FAM53B: variants seen among roughly 807,000 people sequenced by gnomAD.
FAM53B encodes the protein family with sequence similarity 53 member B.
In FAM53B, 12 loss-of-function variants were observed where a neutral mutation model predicts 32.7. That is an observed-to-expected ratio of 0.37 (90% CI 0.24 to 0.59). FAM53B has a LOEUF of 0.59. FAM53B is among the 20% of genes least tolerant of loss of function. The probability of loss-of-function intolerance (pLI) is 0.72; values close to 1 mark genes in which losing one functional copy is unlikely to be tolerated. For synonymous variants in FAM53B, 234 were observed against 228.7 expected (o/e 1.02, Z -0.21); for missense variants, 477 against 577.7 (o/e 0.83, Z 1.79).
At chr10:124,709,030 C>T (rs931903783) in intron 1 of FAM53B, among the ~76,000 whole-genome samples, 3 of 152,256 alleles carry the variant, frequency 2.0e-5, no homozygotes, top group Non-Finnish European at 4.4e-5. Flanking sequence ...AGCCCAAGTC[C>T]TTTGCCCAGT....
intron 2 of FAM53B, among the ~76,000 whole-genome samples, chr10:124,704,767 C>T (rs2134083971): frequency 6.6e-6 from 1 of 152,320 alleles, no homozygotes; most frequent in Middle Eastern, 3.4e-3. Flanking sequence ...GTGGAAGCTG[C>T]TACACAGAGA....
Position 124,623,324 on chromosome 10 carries a change from G to A in FAM53B, c.1187C>T (p.Ala396Val). The change falls in exon 5 of 5, where the codon GCC (alanine) becomes GTC (valine). Residue 396 changes from alanine to valine, a missense_variant. This residue lies in a region of FAM53B where 165 missense variants were observed against 157.5 expected (regional missense o/e 1.05). Coordinates refer to ENST00000337318, the MANE Select transcript of FAM53B (RefSeq NM_014661.4). ...CCCAGGGGCCCCGCGGTCCCGCCAGGCTGCAGCCGGCTCCGCTCTCCTGCC... is the reference window on the plus strand; with the variant it reads ...CCCAGGGGCCCCGCGGTCCCGCCAGACTGCAGCCGGCTCCGCTCTCCTGCC... Reference protein sequence around the residue: ...DCGRRAEPAAAWRDRGAPGNS... With the variant: ...DCGRRAEPAAVWRDRGAPGNS... The A allele has an allele frequency of 1.2e-6, 2 of 1,612,456 alleles. No individual in the cohort carries two copies. The highest frequency in any genetic ancestry group is 1.7e-6 in the Non-Finnish European group (2 of 1,179,760).
chr10:124,679,152 C>T lies in FAM53B; in HGVS notation c.906+2455G>A, dbSNP rs542292760. ...GAAGCCAGAGCCCAGCGGAAGGAAGCGTGGGCCACACCTGGGTACCAGCCT... is the reference window on the plus strand; with the variant it reads ...GAAGCCAGAGCCCAGCGGAAGGAAGTGTGGGCCACACCTGGGTACCAGCCT... On this transcript the variant is annotated intron_variant, in intron 4 of 4. Coordinates refer to ENST00000337318, the MANE Select transcript of FAM53B (RefSeq NM_014661.4). Among the ~76,000 whole-genome samples, 13 of 152,296 alleles carry T rather than the reference C, an allele frequency of 8.5e-5. No homozygotes were observed. In the East Asian group the frequency reaches 2.1e-3, roughly 25 times the overall value.
At chr10:124,704,685 G>A (rs1185768417) in intron 2 of FAM53B, among the ~76,000 whole-genome samples, 1 of 152,192 alleles carries the variant, frequency 6.6e-6, no homozygotes, top group Non-Finnish European at 1.5e-5. Flanking sequence ...GCAGTCACAT[G>A]GACAAGAATA....
At chr10:124,679,612 G>A (rs1432677038) in intron 4 of FAM53B, among the ~76,000 whole-genome samples, 1 of 152,250 alleles carries the variant, frequency 6.6e-6, no homozygotes, top group African/African-American at 2.4e-5. Context: ...CAGGGCTCTG[G>A]CCATAGGCCT....
intron 1 of FAM53B, among the ~76,000 whole-genome samples, chr10:124,734,379 A>G (rs1342264411): frequency 6.6e-6 from 1 of 152,178 alleles, no homozygotes; most frequent in African/African-American, 2.4e-5. Context: ...CATGGCAGGT[A>G]TGTTTTGTGC....
At chr10:124,725,358 A>AG (rs1950095008) in intron 1 of FAM53B, among the ~76,000 whole-genome samples, 1 of 152,190 alleles carries the variant, frequency 6.6e-6, no homozygotes, top group Non-Finnish European at 1.5e-5. Flanking sequence ...AGGTGTCATC[A>AG]GGGAAGGGAA....
chr10:124,717,869 T>A (rs540775023), intron 1 of FAM53B, among the ~76,000 whole-genome samples: 40 of 152,144 alleles, frequency 2.6e-4, no homozygotes, highest in Non-Finnish European at 4.3e-4. Flanking sequence ...CTCCTTTTCC[T>A]TTACAAAATG....
chr10:124,640,902 AG>A (rs1261433343), intron 4 of FAM53B, among the ~76,000 whole-genome samples: 8 of 152,250 alleles, frequency 5.3e-5, no homozygotes, highest in African/African-American at 1.9e-4. Context: ...CAAAGGCCGC[AG>A]AGGGCACGCC....
chr10:124,621,909 C>A lies in FAM53B; in HGVS notation c.*1333G>T, dbSNP rs570828342. On this transcript the variant is annotated 3_prime_UTR_variant, in exon 5 of 5. Coordinates refer to ENST00000337318, the MANE Select transcript of FAM53B (RefSeq NM_014661.4). ...TATTGTTTGCAGAAGACGCCACATT[C>A]GCTAAAAGCCAGATTCCCATAGAGC... The A allele has an allele frequency of 2.6e-5, 4 of 152,450 alleles. No homozygotes were observed. Among genetic ancestry groups the A allele is most frequent in the Non-Finnish European group, 5.9e-5 (4 of 68,052 alleles). 9.4% of individuals were successfully genotyped at this position (152,450 alleles called of 1,614,324 possible).
At chr10:124,713,603 C>T (rs528815489) in intron 1 of FAM53B, 5 of 152,316 alleles carry the variant, frequency 3.3e-5, no homozygotes, top group African/African-American at 1.2e-4. Context: ...GCAAACTCTA[C>T]AATCCTATAT....
chr10:124,631,187 C>T (rs1435991887), intron 4 of FAM53B, among the ~76,000 whole-genome samples: 4 of 152,204 alleles, frequency 2.6e-5, no homozygotes, highest in African/African-American at 9.7e-5. Context: ...GCTGTGCATC[C>T]TGGGGGCACC....
intron 3 of FAM53B, among the ~76,000 whole-genome samples, chr10:124,691,011 C>G (rs918816922): frequency 1.3e-5 from 2 of 152,314 alleles, no homozygotes; most frequent in Non-Finnish European, 2.9e-5. Flanking sequence ...CATTTTGATT[C>G]TTCGTTTATT....
intron 4 of FAM53B, among the ~76,000 whole-genome samples, chr10:124,669,428 T>C (rs898193877): frequency 2.0e-5 from 3 of 152,226 alleles, no homozygotes; most frequent in South Asian, 4.1e-4. Flanking sequence ...AGCCTGCTCA[T>C]AGCTCAAGAA....
At chr10:124,649,554 G>C (rs1339649244) in intron 4 of FAM53B, among the ~76,000 whole-genome samples, 1 of 152,222 alleles carries the variant, frequency 6.6e-6, no homozygotes, top group Non-Finnish European at 1.5e-5. Context: ...CAAAATCCCA[G>C]CCACTGCAAG....
intron 4 of FAM53B, among the ~76,000 whole-genome samples, chr10:124,678,632 G>A (rs1949750902): frequency 1.3e-5 from 2 of 152,186 alleles, no homozygotes; most frequent in Admixed American, 1.3e-4. Context: ...AGACTGGAAT[G>A]GACAAGCTCT....
chr10:124,688,175 C>A (rs1949813688), intron 3 of FAM53B, among the ~76,000 whole-genome samples: 1 of 152,176 alleles, frequency 6.6e-6, no homozygotes, highest in African/African-American at 2.4e-5. Context: ...CTCCCACTTT[C>A]TCCCTGAGAA....
intron 1 of FAM53B, among the ~76,000 whole-genome samples, chr10:124,731,641 C>G (rs1950143703): frequency 1.3e-5 from 2 of 149,674 alleles, no homozygotes; most frequent in Non-Finnish European, 3.0e-5. Context: ...AGACACTGTT[C>G]TGGAGCCCAT....
intron 4 of FAM53B, among the ~76,000 whole-genome samples, chr10:124,638,265 G>A (rs1225027988): frequency 6.6e-6 from 1 of 152,142 alleles, no homozygotes; most frequent in Non-Finnish European, 1.5e-5. Context: ...AGCTACTCGG[G>A]AGGCTGAGGC....
Sources: allele counts gnomAD v4.1 joint callset (sites outside exome capture counted in the v4.1 genomes callset), GRCh38; gene constraint gnomAD v4.1.1; regional missense constraint gnomAD v4.1.1; transcripts MANE v1.5; gene names NCBI Gene and HGNC (gene_info 2026-07-23, HGNC 2026-07-21).